Variants in SPAG16 observed in about 807,000 individuals in gnomAD.
SPAG16 encodes the protein sperm associated antigen 16.
A neutral mutation model predicts 80.4 loss-of-function variants in SPAG16; 86 were observed. The observed-to-expected ratio is 1.07, with a 90% CI of 0.90 to 1.28. The LOEUF is 1.28. Among genes scored for constraint, SPAG16 ranks in the 50% most tolerant of loss-of-function variants. The pLI is 0.00. For missense variants in SPAG16, 870 were observed against 765.3 expected (o/e 1.14, Z -1.61); for synonymous variants, 294 against 265.9 (o/e 1.11, Z -1.03).
chr2:213,897,647 C>T (rs1464917950), intron 11 of SPAG16, among the ~76,000 whole-genome samples: 1 of 152,028 alleles, frequency 6.6e-6, no homozygotes, highest in Admixed American at 6.6e-5. Flanking sequence ...GTGCATAGCT[C>T]GAGTGGGTAG....
intron 13 of SPAG16, among the ~76,000 whole-genome samples, chr2:214,032,573 T>C (rs1336511517): frequency 1.3e-5 from 2 of 152,114 alleles, no homozygotes; most frequent in Non-Finnish European, 2.9e-5. Flanking sequence ...GTTTCTGACA[T>C]CTAGAATAAA....
At chr2:214,354,225 A>C (rs1224695252) in intron 15 of SPAG16, among the ~76,000 whole-genome samples, 1 of 152,170 alleles carries the variant, frequency 6.6e-6, no homozygotes, top group Admixed American at 6.5e-5. Context: ...ATGGCTAGCC[A>C]GTTTTCCCAG....
chr2:213,579,226 T>C (rs115072293), intron 10 of SPAG16, among the ~76,000 whole-genome samples: 4,834 of 152,202 alleles, frequency 0.032, 109 homozygotes, highest in South Asian at 0.045. Flanking sequence ...AAGGGATTCT[T>C]TGGTATTAAG....
intron 10 of SPAG16, among the ~76,000 whole-genome samples, chr2:213,681,766 G>T (rs2064397970): frequency 6.6e-6 from 1 of 152,130 alleles, no homozygotes; most frequent in Non-Finnish European, 1.5e-5. Context: ...GTTCTGCACT[G>T]CATTTTTTTC....
At chr2:213,596,866 C>A (rs981432246) in intron 10 of SPAG16, among the ~76,000 whole-genome samples, 6 of 152,070 alleles carry the variant, frequency 3.9e-5, no homozygotes, top group African/African-American at 7.2e-5. Context: ...GATTATTTGA[C>A]CCCCTCCTAG....
chr2:214,242,546 C>T (rs1197107672), intron 15 of SPAG16, among the ~76,000 whole-genome samples: 3 of 152,092 alleles, frequency 2.0e-5, no homozygotes, highest in African/African-American at 7.2e-5. Context: ...AGTCTCTCAA[C>T]TCTAGTCATT....
At chr2:213,914,233 A>G (rs1415458994) in intron 11 of SPAG16, among the ~76,000 whole-genome samples, 1 of 152,162 alleles carries the variant, frequency 6.6e-6, no homozygotes, top group African/African-American at 2.4e-5. Flanking sequence ...AATTTAAATA[A>G]CTATAGAAAG....
At chr2:213,383,554 G>A (rs1285637410) in intron 9 of SPAG16, among the ~76,000 whole-genome samples, 4 of 152,164 alleles carry the variant, frequency 2.6e-5, no homozygotes, top group African/African-American at 4.8e-5. Flanking sequence ...CCACTTGAGT[G>A]TATACCATAT....
At chr2:213,667,873 G>A (rs1474952626) in intron 10 of SPAG16, among the ~76,000 whole-genome samples, 3 of 151,690 alleles carry the variant, frequency 2.0e-5, no homozygotes, top group African/African-American at 7.3e-5. Context: ...AGGTACATAG[G>A]GTAGAGTACA....
intron 10 of SPAG16, among the ~76,000 whole-genome samples, chr2:213,648,127 A>G (rs2062888795): frequency 6.6e-6 from 1 of 152,000 alleles, no homozygotes; most frequent in Admixed American, 6.5e-5. Flanking sequence ...CTTTTCCTTC[A>G]TTTGCAAGAC....
intron 15 of SPAG16, among the ~76,000 whole-genome samples, chr2:214,236,407 TTTGAG>T (rs1689080030): frequency 6.6e-6 from 1 of 152,168 alleles, no homozygotes; most frequent in Admixed American, 6.5e-5. Context: ...CTCCCAACAC[TTTGAG>T]AGGCCTAGTC....
At chr2:213,713,790 C>A (rs1034655329) in intron 10 of SPAG16, among the ~76,000 whole-genome samples, 3 of 152,106 alleles carry the variant, frequency 2.0e-5, no homozygotes, top group Admixed American at 2.0e-4. Context: ...TCAGACTGGA[C>A]TGGGATTTTT....
At chr2:214,178,000 TA>T (rs2057177275) in intron 15 of SPAG16, among the ~76,000 whole-genome samples, 4 of 62,912 alleles carry the variant, frequency 6.4e-5, no homozygotes, top group African/African-American at 1.4e-4. Flanking sequence ...TATATATATA[TA>T]TATATATATA....
intron 9 of SPAG16, among the ~76,000 whole-genome samples, chr2:213,379,005 T>A (rs2125229056): frequency 6.6e-6 from 1 of 152,352 alleles, no homozygotes; most frequent in Admixed American, 6.5e-5. Context: ...GTAACTCCCT[T>A]CTTAGCCTGT....
chr2:214,282,250 A>C (rs1693002665), intron 15 of SPAG16, among the ~76,000 whole-genome samples: 1 of 152,202 alleles, frequency 6.6e-6, no homozygotes, highest in African/African-American at 2.4e-5. Context: ...AACATAAATT[A>C]TAAATGATGT....
At chr2:213,674,465 T>C (rs562563276) in intron 10 of SPAG16, among the ~76,000 whole-genome samples, 7 of 151,610 alleles carry the variant, frequency 4.6e-5, no homozygotes, top group African/African-American at 1.7e-4. Context: ...ACCTGTGACA[T>C]GCTGGTGCGC....
rs367739960 is a variant in SPAG16 at position 213,597,782 on chromosome 2, C to A, written c.1070+107692C>A. Among the ~76,000 whole-genome samples the A allele has an allele frequency of 2.0e-5, 3 of 151,498 alleles. No homozygotes were observed. The East Asian group carries it at 5.8e-4, about 29-fold the overall frequency. On this transcript the variant is annotated intron_variant, in intron 10 of 15. Coordinates refer to ENST00000331683, the MANE Select transcript of SPAG16 (RefSeq NM_024532.5). ...AAATCTTTTGCCCCCCCAAAAACTT[C>A]TCTGACATATTTTAAGATGGCTATT...
At chr2:213,911,500 A>G (rs1042424312) in intron 11 of SPAG16, among the ~76,000 whole-genome samples, 2 of 152,212 alleles carry the variant, frequency 1.3e-5, no homozygotes, top group African/African-American at 4.8e-5. Context: ...AAATGCCAAG[A>G]ATGCACATGA....
At chr2:213,864,766 T>C (rs887684346) in intron 11 of SPAG16, among the ~76,000 whole-genome samples, 4 of 152,076 alleles carry the variant, frequency 2.6e-5, no homozygotes, top group African/African-American at 4.8e-5. Context: ...CAAATTTTGT[T>C]TGGGGGTCAA....
Sources: allele counts gnomAD v4.1 joint callset (sites outside exome capture counted in the v4.1 genomes callset), GRCh38; gene constraint gnomAD v4.1.1; transcripts MANE v1.5; gene names NCBI Gene and HGNC (gene_info 2026-07-23, HGNC 2026-07-21).